Variants in NUMB observed in about 807,000 individuals in gnomAD.
NUMB encodes protein numb homolog.
In NUMB, 29 loss-of-function variants were observed where a neutral mutation model predicts 59.7. The ratio of observed to expected loss-of-function variants is 0.49; its 90% confidence interval spans 0.36 to 0.66. The LOEUF (loss-of-function observed/expected upper bound fraction) is 0.66. Ranked by LOEUF, NUMB falls within the 30% of genes least tolerant of loss-of-function variation. NUMB has a pLI of 0.00. For missense variants in NUMB, 723 were observed against 822.0 expected (o/e 0.88, Z 1.47); for synonymous variants, 288 against 288.2 (o/e 1.00, Z 0.01).
chr14:73,384,996 C>T (rs1156673912), intron 2 of NUMB, among the ~76,000 whole-genome samples: 3 of 148,964 alleles, frequency 2.0e-5, no homozygotes, highest in East Asian at 2.0e-4. Flanking sequence ...CAGGTTCAAG[C>T]GATTCTCCTG....
intron 2 of NUMB, among the ~76,000 whole-genome samples, chr14:73,378,142 A>G (rs1261085782): frequency 6.6e-6 from 1 of 152,200 alleles, no homozygotes; most frequent in African/African-American, 2.4e-5. Flanking sequence ...GATGGTAAAT[A>G]AGCATATGAA....
chr14:73,355,770 A>G lies in NUMB; in HGVS notation c.-15-4T>C, dbSNP rs112513018. 6.3e-7 allele frequency: 1 copy of G among 1,590,548 alleles called. No individual in the cohort carries two copies. The highest frequency in any genetic ancestry group is 1.1e-5 in the South Asian group (1 of 88,226). ...TGTTCATTTTAATTTTTACAGCCTG[A>G]AGACAGAGGAAAAAAAATATTTAAA... On this transcript the variant is annotated splice_polypyrimidine_tract_variant and splice_region_variant and intron_variant, in intron 3 of 12. Coordinates refer to ENST00000555238, the MANE Select transcript of NUMB (RefSeq NM_001005743.2).
At chr14:73,350,076 C>CAT (rs111371430) in intron 4 of NUMB, among the ~76,000 whole-genome samples, 19 of 130,064 alleles carry the variant, frequency 1.5e-4, no homozygotes, top group African/African-American at 5.3e-4. Context: ...TACATACATA[C>CAT]ATACACACAC....
At chr14:73,433,221 A>AT (rs1897907880) in intron 1 of NUMB, among the ~76,000 whole-genome samples, 1 of 151,974 alleles carries the variant, frequency 6.6e-6, no homozygotes, top group Non-Finnish European at 1.5e-5. Context: ...CAGGAGTTCA[A>AT]GACCAGTCTG....
intron 4 of NUMB, among the ~76,000 whole-genome samples, chr14:73,326,609 A>G (rs1891676205): frequency 6.6e-6 from 1 of 152,070 alleles, no homozygotes; most frequent in African/African-American, 2.4e-5. Context: ...CTTGGGCAAC[A>G]AGAGAGAAAC....
chr14:73,336,023 G>T (rs1240208421), intron 4 of NUMB, among the ~76,000 whole-genome samples: 1 of 152,174 alleles, frequency 6.6e-6, no homozygotes, highest in African/African-American at 2.4e-5. Flanking sequence ...GTTTAATCAT[G>T]TAAGTTTAGA....
chr14:73,365,109 G>A (rs574096226), intron 3 of NUMB, among the ~76,000 whole-genome samples: 2 of 152,192 alleles, frequency 1.3e-5, no homozygotes, highest in East Asian at 1.9e-4. Context: ...GCGTGATCTC[G>A]GTTCACTGCA....
chr14:73,321,142 C>T (rs1891381111), intron 5 of NUMB, among the ~76,000 whole-genome samples: 1 of 152,086 alleles, frequency 6.6e-6, no homozygotes, highest in South Asian at 2.1e-4. Context: ...ATGTTCTGGG[C>T]AAACTTAAAC....
At chr14:73,326,361 T>A (rs575851314) in intron 4 of NUMB, among the ~76,000 whole-genome samples, 1 of 152,000 alleles carries the variant, frequency 6.6e-6, no homozygotes, top group Non-Finnish European at 1.5e-5. Flanking sequence ...TCGCGGTGGG[T>A]CACGCCTGTA....
chr14:73,429,109 C>T (rs12894017), intron 1 of NUMB, among the ~76,000 whole-genome samples: 35,997 of 152,096 alleles, frequency 0.24, 4,308 homozygotes, highest in Non-Finnish European at 0.25. Context: ...CAGTGGCTCA[C>T]GCCTGTAATC....
At chr14:73,358,891 A>C (rs1893953492) in intron 3 of NUMB, among the ~76,000 whole-genome samples, 1 of 152,178 alleles carries the variant, frequency 6.6e-6, no homozygotes, top group African/African-American at 2.4e-5. Flanking sequence ...AAAAGTCTCA[A>C]CATACAAGAC....
intron 4 of NUMB, among the ~76,000 whole-genome samples, chr14:73,351,780 T>C (rs1379444730): frequency 6.6e-6 from 1 of 151,824 alleles, no homozygotes; most frequent in Admixed American, 6.6e-5. Context: ...ATCGAGACCA[T>C]CCTGGCTAAC....
intron 4 of NUMB, among the ~76,000 whole-genome samples, chr14:73,335,681 A>T (rs986931654): frequency 2.6e-5 from 4 of 152,206 alleles, no homozygotes; most frequent in Admixed American, 1.3e-4. Context: ...AAAATTATTT[A>T]AAAAATAGAT....
chr14:73,411,870 A>T (rs565590962), intron 1 of NUMB, among the ~76,000 whole-genome samples: 24 of 152,024 alleles, frequency 1.6e-4, no homozygotes, highest in South Asian at 4.2e-4. Context: ...TAAATTCACC[A>T]GACAATGCAA....
chr14:73,278,234 T>C (rs1888335394), intron 12 of NUMB, among the ~76,000 whole-genome samples: 1 of 151,912 alleles, frequency 6.6e-6, no homozygotes. Flanking sequence ...TGTTAAAACC[T>C]TTTGAGGCCG....
At chr14:73,402,927 A>G (rs1322391251) in intron 2 of NUMB, among the ~76,000 whole-genome samples, 1 of 152,224 alleles carries the variant, frequency 6.6e-6, no homozygotes, top group Non-Finnish European at 1.5e-5. Context: ...TTGAAGTCAA[A>G]CAAACACAAT....
chr14:73,276,840 T>C lies in NUMB; in HGVS notation c.1694A>G (p.Tyr565Cys), dbSNP rs139345620. The change falls in exon 13 of 13, where the codon TAC (tyrosine) becomes TGC (cysteine). Residue 565 changes from tyrosine (Y) to cysteine (C), a missense_variant. Tyr to Cys is a radical substitution (Grantham distance 194). Around this residue, in one of 2 missense-constraint regions of NUMB, gnomAD observed 406 missense variants for 385.4 expected, o/e 1.05. Coordinates refer to ENST00000555238, the MANE Select transcript of NUMB (RefSeq NM_001005743.2). Reference sequence around the variant, plus strand: ...ACTGGTGGTAGCACTGCTTGCCTCGTAGTGAGGGAATGTCTGCTGCCTGAC... The same window carrying C: ...ACTGGTGGTAGCACTGCTTGCCTCGCAGTGAGGGAATGTCTGCTGCCTGAC... ...SLVRQQTFPHYEASSATTSPF... is the reference protein window; with the variant it reads ...SLVRQQTFPHCEASSATTSPF... 35 of 1,613,964 alleles carry C rather than the reference T, an allele frequency of 2.2e-5. No individual in the cohort carries two copies. Among genetic ancestry groups the C allele is most frequent in the Non-Finnish European group, 4.2e-6 (5 of 1,180,020 alleles).
At chr14:73,439,182 G>A (rs1022417960) in intron 1 of NUMB, among the ~76,000 whole-genome samples, 1 of 152,166 alleles carries the variant, frequency 6.6e-6, no homozygotes, top group African/African-American at 2.4e-5. Flanking sequence ...GAGACTGCCA[G>A]AAGTCAAGCC....
intron 6 of NUMB, among the ~76,000 whole-genome samples, chr14:73,303,462 C>A (rs1264807478): frequency 1.3e-5 from 2 of 152,098 alleles, no homozygotes; most frequent in Non-Finnish European, 2.9e-5. Flanking sequence ...CGCCTGTAGT[C>A]CCAGCTGCTC....
Sources: gnomAD v4.1 joint callset for allele counts (sites outside exome capture counted in the v4.1 genomes callset) on GRCh38, gnomAD v4.1.1 for gene constraint, gnomAD v4.1.1 regional missense constraint, MANE v1.5 for transcripts, NCBI Gene and HGNC (gene_info 2026-07-23, HGNC 2026-07-21) for gene names.